Variants in BLTP1 observed in about 807,000 individuals in gnomAD.
BLTP1 encodes the protein fragile site-associated protein.
At chr4:122,236,773 A>G in the BLTP1 span, 1 of 967,734 alleles carries the variant, frequency 1.0e-6, no homozygotes, top group Admixed American at 6.2e-5. Flanking sequence ...TAAAATTCTT[A>G]TAATGTGTAA....
the BLTP1 span, among the ~76,000 whole-genome samples, chr4:122,263,776 CAG>C: frequency 6.6e-6 from 1 of 152,108 alleles, no homozygotes; most frequent in African/African-American, 2.4e-5. Context: ...AGCAGTCACT[CAG>C]TGTTCTTGTT....
the BLTP1 span, chr4:122,348,681 T>C: frequency 6.2e-7 from 1 of 1,610,740 alleles, no homozygotes. Flanking sequence ...CAATTAAACG[T>C]TCAAATGAAT....
At chr4:122,306,177 C>CA in the BLTP1 span, 3,148 of 769,030 alleles carry the variant, frequency 4.1e-3, 4 homozygotes, top group African/African-American at 9.5e-3. Flanking sequence ...TGTGTGTATC[C>CA]AAAAAAAAAA....
At chr4:122,219,540 G>A in the BLTP1 span, 23 of 1,613,688 alleles carry the variant, frequency 1.4e-5, no homozygotes, top group Non-Finnish European at 1.8e-5. Context: ...TTGTTAATTT[G>A]TACAAAGTTC....
the BLTP1 span, among the ~76,000 whole-genome samples, chr4:122,260,575 A>G: frequency 6.6e-6 from 1 of 152,190 alleles, no homozygotes; most frequent in East Asian, 1.9e-4. Flanking sequence ...TGAATAGTGT[A>G]CATTGTTGGT....
the BLTP1 span, chr4:122,289,606 T>G: frequency 6.1e-5 from 60 of 985,304 alleles, no homozygotes; most frequent in Non-Finnish European, 7.1e-5. Flanking sequence ...TTTTTGCTGT[T>G]CCTCAAGAAT....
At chr4:122,229,104 A>G in the BLTP1 span, 4 of 1,573,854 alleles carry the variant, frequency 2.5e-6, no homozygotes, top group Non-Finnish European at 2.6e-6. Context: ...TAGATGTACA[A>G]TCCTTTTTTA....
At chr4:122,207,213 G>T in the BLTP1 span, 1 of 1,611,560 alleles carries the variant, frequency 6.2e-7, no homozygotes, top group Non-Finnish European at 8.5e-7. Flanking sequence ...AAATGATTTG[G>T]GCTGCTAATC....
chr4:122,238,190 C>T, the BLTP1 span: 5 of 1,613,836 alleles, frequency 3.1e-6, no homozygotes, highest in Non-Finnish European at 4.2e-6. Context: ...AGTACCATTA[C>T]GATCTCATAG....
the BLTP1 span, chr4:122,305,312 G>A: frequency 1.0e-6 from 1 of 970,796 alleles, no homozygotes; most frequent in East Asian, 1.1e-4. Flanking sequence ...AATGTTAAGT[G>A]TATACCTTTC....
At chr4:122,195,818 T>C in the BLTP1 span, among the ~76,000 whole-genome samples, 34 of 152,340 alleles carry the variant, frequency 2.2e-4, 1 homozygote, top group South Asian at 6.8e-3. Flanking sequence ...AGACTTAGTG[T>C]ACAGATTTTG....
chr4:122,330,135 C>T, the BLTP1 span, among the ~76,000 whole-genome samples: 3 of 151,686 alleles, frequency 2.0e-5, no homozygotes, highest in Non-Finnish European at 4.4e-5. Flanking sequence ...TGTCAATGGA[C>T]ATTTTAGGTT....
the BLTP1 span, among the ~76,000 whole-genome samples, chr4:122,342,483 GTAGCTGGGATTACAGGT>G: frequency 6.6e-6 from 1 of 152,056 alleles, no homozygotes; most frequent in African/African-American, 2.4e-5. Context: ...AGCCTCCTGA[GTAGCTGGGATTACAGGT>G]GCGTGCCACC....
the BLTP1 span, among the ~76,000 whole-genome samples, chr4:122,320,606 C>T: frequency 6.6e-6 from 1 of 152,084 alleles, no homozygotes. Context: ...GCTATCCCTG[C>T]TTTCTTTTAA....
At chr4:122,190,367 A>T in the BLTP1 span, 1 of 902,312 alleles carries the variant, frequency 1.1e-6, no homozygotes, top group Non-Finnish European at 1.3e-6. Flanking sequence ...AAGTGCTGGG[A>T]TTGTAGTCAT....
the BLTP1 span, among the ~76,000 whole-genome samples, chr4:122,191,516 C>T: frequency 6.6e-5 from 10 of 152,162 alleles, no homozygotes; most frequent in Admixed American, 2.0e-4. Context: ...TCAGTGAACC[C>T]GTATTTCCCA....
the BLTP1 span, chr4:122,316,888 T>C: frequency 1.4e-6 from 2 of 1,453,630 alleles, no homozygotes; most frequent in East Asian, 2.3e-5. Context: ...TTTAATTTAA[T>C]ATAATGTTCC....
the BLTP1 span, chr4:122,347,702 G>A: frequency 2.5e-6 from 4 of 1,613,706 alleles, no homozygotes; most frequent in Non-Finnish European, 2.5e-6. Context: ...ATGTCACCAG[G>A]GACAGTAGGA....
At chr4:122,235,572 A>T in the BLTP1 span, 4 of 532,952 alleles carry the variant, frequency 7.5e-6, no homozygotes, top group African/African-American at 2.1e-5. Context: ...TTGGGAGGCC[A>T]AGGTGGGCGG....
Sources: gnomAD v4.1 joint callset for allele counts (sites outside exome capture counted in the v4.1 genomes callset) on GRCh38, gnomAD v4.1.1 for gene constraint, MANE v1.5 for transcripts, NCBI Gene and HGNC (gene_info 2026-07-23, HGNC 2026-07-21) for gene names.